The following NTNG1 variants were observed in gnomAD, a reference collection of about 807,000 sequenced individuals.
NTNG1 encodes netrin-G1.
In NTNG1, 16 loss-of-function variants were observed where a neutral mutation model predicts 54.0. The ratio of observed to expected loss-of-function variants is 0.30; its 90% CI spans 0.20 to 0.45. NTNG1 has a LOEUF of 0.45. Among genes scored for constraint, NTNG1 ranks in the 20% least tolerant of loss-of-function variants. NTNG1 has a pLI of 1.00. For synonymous variants in NTNG1, 255 were observed against 263.1 expected (o/e 0.97, Z 0.30); for missense variants, 530 against 678.7 (o/e 0.78, Z 2.43).
intron 2 of NTNG1, among the ~76,000 whole-genome samples, chr1:107,250,836 G>A (rs1662556901): frequency 6.6e-6 from 1 of 152,210 alleles, no homozygotes; most frequent in South Asian, 2.1e-4. Context: ...GGCAACTGGT[G>A]GAGTGGGTGT....
intron 2 of NTNG1, among the ~76,000 whole-genome samples, chr1:107,244,959 T>C (rs1470877499): frequency 6.6e-6 from 1 of 152,214 alleles, no homozygotes; most frequent in Non-Finnish European, 1.5e-5. Context: ...TTTTATCTTT[T>C]CTCCTGCTGA....
intron 7 of NTNG1, among the ~76,000 whole-genome samples, chr1:107,446,188 A>G (rs1168464732): frequency 6.6e-6 from 1 of 152,110 alleles, no homozygotes; most frequent in Non-Finnish European, 1.5e-5. Flanking sequence ...CAAGGCCCCA[A>G]CTGTTCTTAA....
intron 4 of NTNG1, among the ~76,000 whole-genome samples, chr1:107,399,309 TAGAC>T (rs1348853042): frequency 7.2e-5 from 11 of 152,170 alleles, no homozygotes; most frequent in African/African-American, 2.7e-4. Flanking sequence ...GTCATGGAGA[TAGAC>T]AGAAAACTGA....
At chr1:107,455,225 G>A (rs917760242) in intron 7 of NTNG1, among the ~76,000 whole-genome samples, 12 of 152,024 alleles carry the variant, frequency 7.9e-5, no homozygotes, top group Admixed American at 6.6e-4. Flanking sequence ...CACCATGCCC[G>A]GCTAATTTTT....
At chr1:107,191,421 C>G (rs1488661017) in intron 2 of NTNG1, among the ~76,000 whole-genome samples, 2 of 152,064 alleles carry the variant, frequency 1.3e-5, no homozygotes, top group East Asian at 3.9e-4. Flanking sequence ...TGCAGAAGCT[C>G]TTTAGTTTAA....
At chr1:107,210,927 A>T (rs1013404924) in intron 2 of NTNG1, among the ~76,000 whole-genome samples, 2 of 152,022 alleles carry the variant, frequency 1.3e-5, no homozygotes, top group Non-Finnish European at 2.9e-5. Context: ...TTTCTTTCTT[A>T]GCAATTGTCT....
intron 2 of NTNG1, among the ~76,000 whole-genome samples, chr1:107,268,591 T>A (rs1478745745): frequency 6.6e-6 from 1 of 152,004 alleles, no homozygotes; most frequent in Admixed American, 6.6e-5. Flanking sequence ...AACAAACCAG[T>A]CTCATGGCTT....
chr1:107,284,246 T>C (rs1665051574), intron 2 of NTNG1, among the ~76,000 whole-genome samples: 1 of 152,068 alleles, frequency 6.6e-6, no homozygotes, highest in Admixed American at 6.6e-5. Context: ...AAAGTAACTA[T>C]TATAGTGGCC....
At chr1:107,327,735 A>T (rs1668047399) in intron 3 of NTNG1, among the ~76,000 whole-genome samples, 2 of 152,064 alleles carry the variant, frequency 1.3e-5, no homozygotes, top group Admixed American at 1.3e-4. Flanking sequence ...AAATTGACAT[A>T]AGTTATTTTG....
intron 3 of NTNG1, among the ~76,000 whole-genome samples, chr1:107,342,986 T>C (rs1056953077): frequency 6.6e-6 from 1 of 152,104 alleles, no homozygotes; most frequent in African/African-American, 2.4e-5. Context: ...GATGATGAAA[T>C]ATCATGGGTA....
intron 2 of NTNG1, among the ~76,000 whole-genome samples, chr1:107,257,267 A>G (rs1446656968): frequency 6.6e-6 from 1 of 152,236 alleles, no homozygotes; most frequent in Non-Finnish European, 1.5e-5. Flanking sequence ...CCTCGTGGAA[A>G]CATCACTGAA....
chr1:107,208,320 C>A (rs180827096), intron 2 of NTNG1, among the ~76,000 whole-genome samples: 57 of 151,918 alleles, frequency 3.8e-4, no homozygotes, highest in African/African-American at 1.3e-3. Flanking sequence ...ATCCCAGCTA[C>A]TCAGGAGGCT....
At position 107,274,842 on chromosome 1, in the gene NTNG1, T is replaced by C. The variant is rs562144354; in HGVS notation, c.247-49440T>C. On this transcript the variant is annotated intron_variant, in intron 2 of 7. Coordinates refer to ENST00000370068, the MANE Select transcript of NTNG1 (RefSeq NM_001113226.3). ...CAGCATTTATTGTTTAGCTTTAGAT[T>C]ATCTATAATGGTTGCAGCACTGTGT... Among the ~76,000 whole-genome samples the C allele has an allele frequency of 1.6e-3, 239 of 152,318 alleles. 1 individual carries two copies. The highest frequency in any genetic ancestry group is 5.4e-3 in the African/African-American group (225 of 41,572).
At chr1:107,204,015 T>C (rs1658975050) in intron 2 of NTNG1, among the ~76,000 whole-genome samples, 1 of 152,104 alleles carries the variant, frequency 6.6e-6, no homozygotes, top group Non-Finnish European at 1.5e-5. Flanking sequence ...TTCTTAGCTA[T>C]TTGTATTTCA....
At chr1:107,364,701 T>C (rs928934487) in intron 3 of NTNG1, among the ~76,000 whole-genome samples, 8 of 152,242 alleles carry the variant, frequency 5.3e-5, no homozygotes, top group African/African-American at 1.9e-4. Context: ...GCAATTGTTC[T>C]GTGCCAGGCA....
chr1:107,455,647 G>A (rs1676908737), intron 7 of NTNG1: 2 of 489,650 alleles, frequency 4.1e-6, no homozygotes, highest in Non-Finnish European at 8.2e-6. Flanking sequence ...GGTAACTGCT[G>A]TTGCACTGCA....
At chr1:107,190,759 T>A (rs1333281338) in intron 2 of NTNG1, among the ~76,000 whole-genome samples, 1 of 152,172 alleles carries the variant, frequency 6.6e-6, no homozygotes, top group African/African-American at 2.4e-5. Context: ...CATGAACTCA[T>A]CCCTTTTTAT....
At position 107,395,220 on chromosome 1, in the gene NTNG1, GC is replaced by G; in HGVS notation, c.955del (p.His319ThrfsTer61). 6.2e-7 allele frequency: 1 copy of G among 1,613,466 alleles called. No individual in the cohort carries two copies. Among genetic ancestry groups the G allele is most frequent in the Non-Finnish European group, 8.5e-7 (1 of 1,179,524 alleles). ...DNSKLTCECEHNTTGPDCGKC... is the reference protein window; with the variant it reads ...DNSKLTCECEXNTTGPDCGKC... ...ACAGCAAATTGACATGCGAATGTGAGCACAACACTACAGGTCCAGACTGTGG... is the reference window on the plus strand; with the variant it reads ...ACAGCAAATTGACATGCGAATGTGAGACAACACTACAGGTCCAGACTGTGG... On this transcript the variant is annotated frameshift_variant, in exon 4 of 8. Transcript: ENST00000370068. LOFTEE classifies it high-confidence loss of function.
intron 2 of NTNG1, among the ~76,000 whole-genome samples, chr1:107,158,907 T>C (rs1655202625): frequency 6.6e-6 from 1 of 152,170 alleles, no homozygotes; most frequent in African/African-American, 2.4e-5. Flanking sequence ...GAATGTGGGA[T>C]GTGTAAAACT....
Sources: allele counts gnomAD v4.1 joint callset (sites outside exome capture counted in the v4.1 genomes callset), GRCh38; gene constraint gnomAD v4.1.1; transcripts MANE v1.5; gene names NCBI Gene and HGNC (gene_info 2026-07-23, HGNC 2026-07-21).